The following PALB2 variants were observed in gnomAD, a reference collection of about 807,000 sequenced individuals.
The protein encoded by PALB2 is mutant partner and localizer of BRCA2.
Under a neutral mutation model 107.4 loss-of-function variants are expected in PALB2, and 82 were observed. The observed-to-expected ratio is 0.76, with a 90% CI of 0.64 to 0.92. PALB2 has a LOEUF of 0.92. Among genes scored for constraint, PALB2 ranks in the 40% least tolerant of loss-of-function variants. PALB2 has a pLI of 0.00. For missense variants in PALB2, 1,374 were observed against 1,379.9 expected, an observed-to-expected ratio of 1.00 and a Z score of 0.07; for synonymous variants, 489 against 496.8, an observed-to-expected ratio of 0.98 and a Z score of 0.21.
intron 10 of PALB2, among the ~76,000 whole-genome samples, chr16:23,620,360 G>A (rs143295555): frequency 1.3e-5 from 2 of 152,094 alleles, no homozygotes; most frequent in African/African-American, 2.4e-5. Context: ...CGATCACCCT[G>A]AACTCTGTCC....
At chr16:23,621,279 A>T in intron 10 of PALB2, 83 bp downstream of exon 10, 1 of 922,540 alleles carries the variant, frequency 1.1e-6, no homozygotes, top group Non-Finnish European at 1.8e-6. Flanking sequence ...TCTCTTATTT[A>T]ATCTTCACAA....
At position 23,630,252 on chromosome 16, in the gene PALB2, T is replaced by C. The variant is rs876658768; in HGVS notation, c.1902A>G (p.Pro634=). ...LEKVKSCSEK[P]VEPFESKMFG... ...ACATTTTTGACTCAAAGGGCTCCAC[T>C]GGTTTTTCTGAGCAGGACTTCACTT... Residue 634 remains proline (P), a synonymous_variant, in exon 5 of 13, where the codon CCA becomes CCG. Coordinates refer to ENST00000261584, the MANE Select transcript of PALB2 (RefSeq NM_024675.4). 1.2e-6 allele frequency: 2 copies of C among 1,614,210 alleles called. No individual in the cohort carries two copies. Among genetic ancestry groups the C allele is most frequent in the Non-Finnish European group, 8.5e-7 (1 of 1,180,034 alleles).
intron 10 of PALB2, among the ~76,000 whole-genome samples, chr16:23,614,794 G>A (rs1759731213): frequency 6.7e-6 from 1 of 149,480 alleles, no homozygotes; most frequent in African/African-American, 2.4e-5. Flanking sequence ...GGGACTACAG[G>A]CGCCCGCCAC....
chr16:23,627,955 G>T (rs562468706), intron 6 of PALB2, among the ~76,000 whole-genome samples: 1 of 152,348 alleles, frequency 6.6e-6, no homozygotes, highest in Admixed American at 6.5e-5. Flanking sequence ...TGGGCATGGT[G>T]GCTCATGCCT....
chr16:23,637,382 T>G (rs1967087982), intron 3 of PALB2, among the ~76,000 whole-genome samples: 1 of 151,978 alleles, frequency 6.6e-6, no homozygotes, highest in Non-Finnish European at 1.5e-5. Context: ...GACTATAGAT[T>G]TTACGGCATA....
At position 23,640,379 on chromosome 16, in the gene PALB2, G is replaced by T. The variant is rs933666415; in HGVS notation, c.48+731C>A. The T allele has an allele frequency of 4.5e-5, 9 of 201,992 alleles. No individual in the cohort carries two copies. The East Asian group carries it at 6.8e-4, about 15-fold the overall frequency. The allele number at this position is 201,992 out of a possible 1,614,324, so 12.5% of individuals were successfully genotyped here. A position where few individuals can be genotyped will look rare whatever the true frequency, so the allele number is the denominator to read the frequency against. The stretch of plus-strand genomic sequence containing the variant: ...CAAGGCCAGGTGCAGTGGCGGGTTC[G>T]TGTAATCCCAGCTACTCGGGAGGCT... On this transcript the variant is annotated intron_variant, in intron 1 of 12. Transcript: ENST00000261584.
At chr16:23,633,879 T>C (rs1303189608) in intron 4 of PALB2, among the ~76,000 whole-genome samples, 4 of 152,046 alleles carry the variant, frequency 2.6e-5, no homozygotes, top group African/African-American at 9.7e-5. Flanking sequence ...AATTTTTCTA[T>C]ATTTTTTTTT....
rs377713277 is a variant in PALB2 at position 23,614,077 on chromosome 16, C to G, written c.3128G>C (p.Gly1043Ala). 42 of 1,610,970 alleles carry G rather than the reference C, an allele frequency of 2.6e-5. No homozygotes were observed. Among genetic ancestry groups the G allele is most frequent in the Non-Finnish European group, 3.6e-5 (42 of 1,177,548 alleles). ...AATGTGCATCTTTTTCAGGAGTTGACCAGTTTTTAAATTCCTTAGATAACA... is the reference window on the plus strand; with the variant it reads ...AATGTGCATCTTTTTCAGGAGTTGAGCAGTTTTTAAATTCCTTAGATAACA... The part of the protein sequence containing the change: ...NNIVIWNLKT[G>A]QLLKKMHIDD... Residue 1043 changes from glycine to alanine, a missense_variant, in exon 11 of 13, where the codon GGT (glycine) becomes GCT (alanine). Transcript: ENST00000261584.
intron 1 of PALB2, among the ~76,000 whole-genome samples, chr16:23,638,841 G>A (rs1967131859): frequency 6.6e-6 from 1 of 152,146 alleles, no homozygotes; most frequent in Non-Finnish European, 1.5e-5. Context: ...ACTGAATGAG[G>A]AAGGAGCTAG....
chr16:23,609,833 G>A (rs979601783), intron 11 of PALB2, among the ~76,000 whole-genome samples: 1 of 151,898 alleles, frequency 6.6e-6, no homozygotes, highest in South Asian at 2.1e-4. Context: ...ACTTTTTTTG[G>A]GGGGATAGGG....
chr16:23,612,059 T>G (rs1176198892), intron 11 of PALB2, among the ~76,000 whole-genome samples: 1 of 152,174 alleles, frequency 6.6e-6, no homozygotes, highest in African/African-American at 2.4e-5. Context: ...TGGATGCTGA[T>G]CCTCTCACTG....
At chr16:23,631,503 AAAACAGTG>A in intron 4 of PALB2, among the ~76,000 whole-genome samples, 1 of 151,944 alleles carries the variant, frequency 6.6e-6, no homozygotes. Context: ...CAAACCAAAC[AAAACAGTG>A]TATGGCCAAC....
intron 7 of PALB2, 82 bp downstream of exon 7, chr16:23,626,154 C>G (rs2142352033): frequency 2.0e-6 from 3 of 1,498,474 alleles, no homozygotes; most frequent in Non-Finnish European, 2.8e-6. Flanking sequence ...ATGGTCATAG[C>G]TCCCAATTTT....
In PALB2 at chr16:23,636,243, A is replaced by C. The variant is rs1417779335; in HGVS notation, c.303T>G (p.Asp101Glu). ...CAGGGTTAAAGGACTCAGGCCCAAC[A>C]TCAAGTGTGATAGATGTCTTTTCTC... ...ETGEKTSITLDVGPESFNPGD... is the reference protein window; with the variant it reads ...ETGEKTSITLEVGPESFNPGD... The change falls in exon 4 of 13, where the codon GAT (aspartate) becomes GAG (glutamate). Residue 101 changes from aspartate (D) to glutamate (E), a missense_variant. Transcript: ENST00000261584. 11 of 1,613,982 alleles carry C rather than the reference A, an allele frequency of 6.8e-6. 1 individual carries two copies. The South Asian group carries it at 1.1e-4, about 16-fold the overall frequency.
chr16:23,630,345 T>C lies in PALB2; in HGVS notation c.1809A>G (p.Leu603=), dbSNP rs878855103. The change falls in exon 5 of 13, where the codon CTA becomes CTG. Residue 603 remains leucine (L), a synonymous_variant. Transcript: ENST00000261584. The stretch of plus-strand genomic sequence containing the variant: ...AGTCTGTGATACTGAGAAAAGACAG[T>C]AGTTGCTTTAAACTCAGCATTCCAT... ...HRDGMLSLKQ[L]LSFLSITDFQ... is the part of the protein sequence containing the mutation. 1.9e-6 allele frequency: 3 copies of C among 1,614,170 alleles called. No individual in the cohort carries two copies. Among genetic ancestry groups the C allele is most frequent in the Admixed American group, 1.7e-5 (1 of 60,020 alleles).
chr16:23,637,168 A>T (rs1967083211), intron 3 of PALB2, among the ~76,000 whole-genome samples: 3 of 152,068 alleles, frequency 2.0e-5, no homozygotes, highest in Admixed American at 2.0e-4. Context: ...GAATTGCTTG[A>T]ACCCAGGAGG....
chr16:23,640,903 AC>A, intron 1 of PALB2: 6 of 607,488 alleles, frequency 9.9e-6, no homozygotes, highest in Non-Finnish European at 1.8e-5. Flanking sequence ...ATGCGCTGCT[AC>A]TGTAATGAAA....
At chr16:23,612,630 G>C (rs1966607855) in intron 11 of PALB2, among the ~76,000 whole-genome samples, 1 of 150,566 alleles carries the variant, frequency 6.6e-6, no homozygotes, top group Non-Finnish European at 1.5e-5. Flanking sequence ...GGGCTCCAGG[G>C]ATCCCCTGAA....
intron 4 of PALB2, among the ~76,000 whole-genome samples, chr16:23,631,689 T>C (rs1966879307): frequency 6.6e-6 from 1 of 152,160 alleles, no homozygotes; most frequent in South Asian, 2.1e-4. Flanking sequence ...TTTCTCATTG[T>C]CTCTCATAAG....
Sources: gnomAD v4.1 joint callset for allele counts (sites outside exome capture counted in the v4.1 genomes callset) on GRCh38, gnomAD v4.1.1 for gene constraint, MANE v1.5 for transcripts, NCBI Gene and HGNC (gene_info 2026-07-23, HGNC 2026-07-21) for gene names.